Variants in PPFIA2 observed in about 807,000 individuals in gnomAD.
The protein encoded by PPFIA2 is liprin-alpha-2.
PPFIA2 carries 46 observed loss-of-function variants against 175.5 expected under a neutral mutation model. That is an observed-to-expected ratio of 0.26 (90% CI 0.21 to 0.34). PPFIA2 has a LOEUF of 0.34. PPFIA2 is among the 10% of genes least tolerant of loss of function. The pLI is 1.00. For missense variants in PPFIA2, 1,179 were observed against 1,506.1 expected, an observed-to-expected ratio of 0.78 and a Z score of 3.60; for synonymous variants, 568 against 511.4, an observed-to-expected ratio of 1.11 and a Z score of -1.49.
chr12:81,449,341 T>A (rs564740439), intron 5 of PPFIA2, among the ~76,000 whole-genome samples: 1 of 152,266 alleles, frequency 6.6e-6, no homozygotes, highest in African/African-American at 2.4e-5. Flanking sequence ...ATACTTTTTA[T>A]TAAAGAGGAG....
Position 81,722,800 on chromosome 12 carries a change from G to GA in PPFIA2, c.249+31172dup, listed in dbSNP as rs1027320631. Among the ~76,000 whole-genome samples the GA allele has an allele frequency of 2.0e-4, 30 of 150,350 alleles. 1 individual carries two copies. The highest frequency in any genetic ancestry group is 1.0e-3 in the South Asian group (5 of 4,790). ...CTCTCCTAAGGACAACTCCTCTTCTGAAAAAAAACAAAACAAAAACAGTTC... is the reference window on the plus strand; with the variant it reads ...CTCTCCTAAGGACAACTCCTCTTCTGAAAAAAAAACAAAACAAAAACAGTTC... On this transcript the variant is annotated intron_variant, in intron 3 of 32. Coordinates refer to ENST00000549396, the MANE Select transcript of PPFIA2 (RefSeq NM_003625.5).
At chr12:81,741,351 T>C (rs2082299772) in intron 3 of PPFIA2, among the ~76,000 whole-genome samples, 1 of 152,198 alleles carries the variant, frequency 6.6e-6, no homozygotes, top group Admixed American at 6.5e-5. Context: ...TTTTTTTTTA[T>C]GATTGCATGA....
chr12:81,445,794 A>G (rs982653808), intron 5 of PPFIA2, 74 bp from the exon 6 acceptor site: 2 of 1,404,834 alleles, frequency 1.4e-6, no homozygotes, highest in Non-Finnish European at 1.9e-6. Flanking sequence ...CTTCCCCCTT[A>G]AATTATTGCA....
At chr12:81,360,691 G>T (rs2061462047) in intron 15 of PPFIA2, among the ~76,000 whole-genome samples, 2 of 151,582 alleles carry the variant, frequency 1.3e-5, no homozygotes, top group Admixed American at 6.6e-5. Context: ...TTCCATTATT[G>T]TTTTTACGAA....
At chr12:81,593,955 G>T (rs920797102) in intron 4 of PPFIA2, among the ~76,000 whole-genome samples, 1 of 152,124 alleles carries the variant, frequency 6.6e-6, no homozygotes, top group Non-Finnish European at 1.5e-5. Flanking sequence ...AGTGAGCAAA[G>T]CTTCATCTGT....
chr12:81,520,375 A>G (rs559707034), intron 4 of PPFIA2, among the ~76,000 whole-genome samples: 33 of 152,136 alleles, frequency 2.2e-4, no homozygotes, highest in African/African-American at 8.0e-4. Context: ...AAACTTATAA[A>G]CTGTTTATTT....
At chr12:81,656,424 TG>T (rs1279035338) in intron 4 of PPFIA2, among the ~76,000 whole-genome samples, 52 of 152,206 alleles carry the variant, frequency 3.4e-4, no homozygotes, top group Non-Finnish European at 6.9e-4. Flanking sequence ...TCTGAATAGG[TG>T]TATGCGGAAG....
intron 4 of PPFIA2, among the ~76,000 whole-genome samples, chr12:81,592,416 G>A (rs1450075010): frequency 3.9e-5 from 6 of 152,066 alleles, no homozygotes; most frequent in East Asian, 3.9e-4. Flanking sequence ...GGATGGGTCT[G>A]GGATGGAAAA....
intron 4 of PPFIA2, among the ~76,000 whole-genome samples, chr12:81,642,852 A>ATG: frequency 1.4e-5 from 2 of 139,874 alleles, no homozygotes; most frequent in Non-Finnish European, 3.1e-5. Context: ...TACATATATA[A>ATG]CATGTATTAC....
intron 23 of PPFIA2, 21 bp from the exon 24 acceptor site, chr12:81,295,056 CACTAACA>C (rs761823996): frequency 2.5e-4 from 404 of 1,600,882 alleles, no homozygotes; most frequent in Non-Finnish European, 3.3e-4. Context: ...GGAAAAAATA[CACTAACA>C]AATTATAATA....
chr12:81,486,025 A>T (rs1210098631), intron 4 of PPFIA2, among the ~76,000 whole-genome samples: 2 of 151,944 alleles, frequency 1.3e-5, no homozygotes, highest in African/African-American at 4.8e-5. Context: ...CTCATTGTAC[A>T]CAATCTCTGA....
intron 4 of PPFIA2, among the ~76,000 whole-genome samples, chr12:81,584,097 A>G (rs2074826933): frequency 6.6e-6 from 1 of 151,922 alleles, no homozygotes. Flanking sequence ...ATGCTTTACA[A>G]AAACTGCTCC....
Position 81,273,366 on chromosome 12 carries a change from A to G in PPFIA2, c.3310+3951T>C, listed in dbSNP as rs532920464. Among the ~76,000 whole-genome samples the G allele has an allele frequency of 5.1e-4, 77 of 152,276 alleles. 1 individual carries two copies. The South Asian group carries it at 0.015, about 30-fold the overall frequency. Reference sequence around the variant, plus strand: ...TGCTTCTCTGTTAGATAGAGGAAAAACAGAAGAGAATGACAGTTTTACTAT... The same window carrying G: ...TGCTTCTCTGTTAGATAGAGGAAAAGCAGAAGAGAATGACAGTTTTACTAT... On this transcript the variant is annotated intron_variant, in intron 28 of 32. Coordinates refer to ENST00000549396, the MANE Select transcript of PPFIA2 (RefSeq NM_003625.5).
At chr12:81,594,667 C>T (rs1396042174) in intron 4 of PPFIA2, among the ~76,000 whole-genome samples, 1 of 152,106 alleles carries the variant, frequency 6.6e-6, no homozygotes, top group African/African-American at 2.4e-5. Context: ...GTAATCCCAG[C>T]ACTTTGGGAG....
At chr12:81,601,246 A>C (rs2059761240) in intron 4 of PPFIA2, among the ~76,000 whole-genome samples, 1 of 151,890 alleles carries the variant, frequency 6.6e-6, no homozygotes, top group Admixed American at 6.6e-5. Flanking sequence ...AAAGTATACA[A>C]TTTTTCCAGA....
chr12:81,566,901 C>T (rs1009562307), intron 4 of PPFIA2, among the ~76,000 whole-genome samples: 7 of 152,262 alleles, frequency 4.6e-5, no homozygotes, highest in East Asian at 3.9e-4. Flanking sequence ...ACTGTACATA[C>T]GTGTGTACTG....
At chr12:81,638,646 T>A (rs1202905816) in intron 4 of PPFIA2, among the ~76,000 whole-genome samples, 1 of 150,718 alleles carries the variant, frequency 6.6e-6, no homozygotes, top group Non-Finnish European at 1.5e-5. Context: ...AAATAGAGAC[T>A]GTAATTTCAG....
chr12:81,468,310 T>G (rs1211409142), intron 4 of PPFIA2, among the ~76,000 whole-genome samples: 1 of 152,204 alleles, frequency 6.6e-6, no homozygotes, highest in African/African-American at 2.4e-5. Flanking sequence ...TGATGCTTCA[T>G]GCATTTGTAC....
chr12:81,461,359 C>A (rs912147138), intron 4 of PPFIA2, among the ~76,000 whole-genome samples: 1 of 152,080 alleles, frequency 6.6e-6, no homozygotes, highest in Admixed American at 6.6e-5. Context: ...AACACTGCCT[C>A]CTTCTGGCTA....
Sources: gnomAD v4.1 joint callset for allele counts (sites outside exome capture counted in the v4.1 genomes callset) on GRCh38, gnomAD v4.1.1 for gene constraint, MANE v1.5 for transcripts, NCBI Gene and HGNC (gene_info 2026-07-23, HGNC 2026-07-21) for gene names.